NCOR1: variants seen among roughly 807,000 people sequenced by gnomAD.
NCOR1 encodes nuclear receptor corepressor 1, also known as protein phosphatase 1, regulatory subunit 109.
In NCOR1, 63 loss-of-function variants were observed where a neutral mutation model predicts 288.1. The ratio of observed to expected loss-of-function variants is 0.22; its 90% CI spans 0.18 to 0.27. The LOEUF (loss-of-function observed/expected upper bound fraction) is 0.27, where lower values mean the gene tolerates loss of function less well. Ranked by LOEUF, NCOR1 falls within the 10% of genes least tolerant of loss-of-function variation. NCOR1 has a pLI of 1.00. For missense variants in NCOR1, 2,397 were observed against 3,019.2 expected (o/e 0.79, Z 4.83); for synonymous variants, 1,007 against 1,065.9 (o/e 0.94, Z 1.08).
chr17:16,162,385 A>G (rs769263951), intron 5 of NCOR1, among the ~76,000 whole-genome samples: 1 of 152,008 alleles, frequency 6.6e-6, no homozygotes, highest in Non-Finnish European at 1.5e-5. Context: ...TCTAAAAAAG[A>G]TAATGGCTTG....
intron 42 of NCOR1, among the ~76,000 whole-genome samples, chr17:16,041,552 T>C (rs1252704277): frequency 1.3e-5 from 2 of 151,408 alleles, no homozygotes; most frequent in Admixed American, 1.3e-4. Context: ...CAGCTGGGAT[T>C]ATAGGCCCCC....
intron 1 of NCOR1, among the ~76,000 whole-genome samples, chr17:16,202,669 T>C (rs2153587759): frequency 1.3e-5 from 2 of 152,240 alleles, no homozygotes; most frequent in East Asian, 1.9e-4. Flanking sequence ...TCCACTATTA[T>C]CTCTAAGGCT....
chr17:16,069,780 G>T (rs1196920900), intron 31 of NCOR1, among the ~76,000 whole-genome samples: 1 of 152,158 alleles, frequency 6.6e-6, no homozygotes, highest in Non-Finnish European at 1.5e-5. Context: ...AGTTGATGCA[G>T]TAAGAATGTT....
intron 37 of NCOR1, among the ~76,000 whole-genome samples, chr17:16,059,749 C>A (rs1073093): frequency 6.6e-6 from 1 of 152,138 alleles, no homozygotes; most frequent in Non-Finnish European, 1.5e-5. Flanking sequence ...GGGCTGGACA[C>A]AGATGCAGCA....
intron 5 of NCOR1, among the ~76,000 whole-genome samples, chr17:16,159,287 C>T (rs1298936098): frequency 6.6e-6 from 1 of 151,916 alleles, no homozygotes; most frequent in Admixed American, 6.6e-5. Context: ...GTGGCGCATG[C>T]CTGTAATCCC....
At chr17:16,202,676 G>A (rs1308504413) in intron 1 of NCOR1, among the ~76,000 whole-genome samples, 1 of 152,100 alleles carries the variant, frequency 6.6e-6, no homozygotes, top group Non-Finnish European at 1.5e-5. Context: ...TTATCTCTAA[G>A]GCTGTAGGAA....
At position 16,153,323 on chromosome 17, in the gene NCOR1, G is replaced by GA. The variant is rs766184421; in HGVS notation, c.789+15dup. The GA allele has an allele frequency of 3.6e-5, 55 of 1,541,528 alleles. No individual in the cohort carries two copies. Among genetic ancestry groups the GA allele is most frequent in the Non-Finnish European group, 4.8e-5 (55 of 1,136,828 alleles). On this transcript the variant is annotated intron_variant, in intron 7 of 45. Coordinates refer to ENST00000268712, the MANE Select transcript of NCOR1 (RefSeq NM_006311.4). ...ATTAAAAAAAAAAATCACTGGAAATGAAAAAATTTACTTACCAGTTCAACT... is the reference window on the plus strand; with the variant it reads ...ATTAAAAAAAAAAATCACTGGAAATGAAAAAAATTTACTTACCAGTTCAACT...
chr17:16,201,019 T>C (rs1315413722), intron 1 of NCOR1, among the ~76,000 whole-genome samples: 5 of 152,218 alleles, frequency 3.3e-5, no homozygotes, highest in Admixed American at 1.3e-4. Flanking sequence ...GTAATAAATT[T>C]TCTCTTGTAA....
At position 16,101,480 on chromosome 17, in the gene NCOR1, G is replaced by A. The variant is rs767042485; in HGVS notation, c.2460C>T (p.Asp820=). 1 of 1,614,070 alleles carries A rather than the reference G, an allele frequency of 6.2e-7. No homozygotes were observed. The highest frequency in any genetic ancestry group is 1.1e-5 in the South Asian group (1 of 91,080). Residue 820 remains aspartate (D), a synonymous_variant, in exon 20 of 46, where the codon GAC becomes GAT. Transcript: ENST00000268712. ...GCACCCTCACTTCAACGTCCACAGA[G>A]TCAGCTTTGGTAGCGGGTGGGGGAT... ...VCDPPPATKA[D]SVDVEVRVPE...
At chr17:16,178,042 T>C (rs1406288447) in intron 3 of NCOR1, among the ~76,000 whole-genome samples, 2 of 151,616 alleles carry the variant, frequency 1.3e-5, no homozygotes, top group Non-Finnish European at 1.5e-5. Flanking sequence ...AAACCCCACC[T>C]CTACCAAAAA....
intron 37 of NCOR1, among the ~76,000 whole-genome samples, chr17:16,060,984 T>C (rs968169504): frequency 6.6e-6 from 1 of 152,188 alleles, no homozygotes; most frequent in African/African-American, 2.4e-5. Context: ...ATAGGTAGTC[T>C]CACTTTTAAA....
At chr17:16,090,078 G>C (rs2064938366) in intron 22 of NCOR1, among the ~76,000 whole-genome samples, 1 of 152,040 alleles carries the variant, frequency 6.6e-6, no homozygotes. Flanking sequence ...GACTAACACA[G>C]AGAAATACAA....
chr17:16,031,965 A>G lies in NCOR1; in HGVS notation c.*331T>C, dbSNP rs990369485. 5 of 317,210 alleles carry G rather than the reference A, an allele frequency of 1.6e-5. No homozygotes were observed. The highest frequency in any genetic ancestry group is 6.5e-5 in the African/African-American group (3 of 46,332). The allele number at this position is 317,210 out of a possible 1,614,324, so 19.6% of individuals were successfully genotyped here. A position where few individuals can be genotyped will look rare whatever the true frequency, so the allele number is the denominator to read the frequency against. Reference sequence around the variant, plus strand: ...GATATACACTGCAAAAAGGTCATCTATTTACAGAAGAGTGATTTAAAGACA... The same window carrying G: ...GATATACACTGCAAAAAGGTCATCTGTTTACAGAAGAGTGATTTAAAGACA... On this transcript the variant is annotated 3_prime_UTR_variant, in exon 46 of 46. Transcript: ENST00000268712.
At chr17:16,143,884 T>C (rs1182099214) in intron 10 of NCOR1, among the ~76,000 whole-genome samples, 188 bp from the exon 11 acceptor site, 2 of 152,230 alleles carry the variant, frequency 1.3e-5, no homozygotes, top group East Asian at 1.9e-4. Flanking sequence ...ATTTAAATGT[T>C]ACGATTGAGA....
intron 3 of NCOR1, among the ~76,000 whole-genome samples, chr17:16,175,241 G>C (rs568083457): frequency 6.6e-6 from 1 of 151,972 alleles, no homozygotes; most frequent in Non-Finnish European, 1.5e-5. Context: ...GGTGGTGCGC[G>C]CATGTAGTCC....
chr17:16,087,260 T>A (rs2064389466), intron 22 of NCOR1: 2 of 1,304,196 alleles, frequency 1.5e-6, no homozygotes, highest in Non-Finnish European at 2.0e-6. Context: ...ACGGTGAGGC[T>A]GACCTTGCTG....
At chr17:16,146,287 A>G (rs2077990116) in intron 10 of NCOR1, 89 bp downstream of exon 10, 1 of 1,216,240 alleles carries the variant, frequency 8.2e-7, no homozygotes, top group East Asian at 2.6e-5. Flanking sequence ...CCCAAGAATG[A>G]TCAATACATA....
chr17:16,080,401 A>G lies in NCOR1; in HGVS notation c.3400+7T>C. 6.2e-7 allele frequency: 1 copy of G among 1,605,948 alleles called. No homozygotes were observed. Among genetic ancestry groups the G allele is most frequent in the Non-Finnish European group, 8.5e-7 (1 of 1,175,148 alleles). On this transcript the variant is annotated splice_region_variant and intron_variant, in intron 25 of 45. Coordinates refer to ENST00000268712, the MANE Select transcript of NCOR1 (RefSeq NM_006311.4). ...GTTTAACATTTCTGCCAACCAGCAT[A>G]TTTTACCTCTGACTACACCTTCATG...
chr17:16,187,784 C>T (rs2086992640), intron 2 of NCOR1, among the ~76,000 whole-genome samples: 3 of 151,814 alleles, frequency 2.0e-5, no homozygotes, highest in Admixed American at 6.6e-5. Context: ...TGGCACGTCC[C>T]GGCTACTCTG....
Sources: gnomAD v4.1 joint callset for allele counts (sites outside exome capture counted in the v4.1 genomes callset) on GRCh38, gnomAD v4.1.1 for gene constraint, MANE v1.5 for transcripts, NCBI Gene and HGNC (gene_info 2026-07-23, HGNC 2026-07-21) for gene names.